The following LRPPRC variants were observed in gnomAD, a reference collection of about 807,000 sequenced individuals.
LRPPRC encodes leucine rich pentatricopeptide repeat containing.
LRPPRC carries 120 observed loss-of-function variants against 180.3 expected under a neutral mutation model. The ratio of observed to expected loss-of-function variants is 0.67; its 90% CI spans 0.57 to 0.77. LRPPRC has a LOEUF of 0.77. Among genes scored for constraint, LRPPRC ranks in the 30% least tolerant of loss-of-function variants. LRPPRC has a pLI of 0.00. For missense variants in LRPPRC, 2,012 were observed against 1,657.2 expected (o/e 1.21, Z -3.72); for synonymous variants, 723 against 600.0 (o/e 1.21, Z -3.00).
chr2:43,941,835 T>A, intron 23 of LRPPRC, among the ~76,000 whole-genome samples: 4 of 84,788 alleles, frequency 4.7e-5, no homozygotes, highest in African/African-American at 1.0e-4. Context: ...AGCAAAGTAG[T>A]CTAAAAAAAA....
intron 14 of LRPPRC, among the ~76,000 whole-genome samples, chr2:43,952,673 T>C (rs1440165308): frequency 6.6e-6 from 1 of 152,212 alleles, no homozygotes; most frequent in Non-Finnish European, 1.5e-5. Context: ...AAGTGCATTA[T>C]ATTTTTTATC....
At chr2:43,920,360 C>T (rs3892364) in intron 27 of LRPPRC, among the ~76,000 whole-genome samples, 94,890 of 151,958 alleles carry the variant, frequency 0.62, 31,485 homozygotes, top group East Asian at 0.96. Context: ...GGTCTTGAAC[C>T]CCTGACCTCA....
intron 25 of LRPPRC, among the ~76,000 whole-genome samples, chr2:43,929,013 G>A (rs747418041): frequency 4.4e-4 from 67 of 152,094 alleles, no homozygotes; most frequent in African/African-American, 1.3e-3. Context: ...AATAAAGTAA[G>A]CTACAACAAG....
chr2:43,977,106 GA>G (rs752348202), intron 4 of LRPPRC, 48 bp downstream of exon 4: 31 of 1,606,892 alleles, frequency 1.9e-5, no homozygotes, highest in Admixed American at 1.2e-4. Context: ...TCTGAGTAAA[GA>G]AAAAAAATGG....
At chr2:43,935,887 C>CG (rs1553400962) in intron 23 of LRPPRC, among the ~76,000 whole-genome samples, 2 of 151,970 alleles carry the variant, frequency 1.3e-5, no homozygotes, top group Non-Finnish European at 2.9e-5. Flanking sequence ...CCAAGGAGGG[C>CG]GGATCACCTG....
intron 23 of LRPPRC, among the ~76,000 whole-genome samples, chr2:43,940,890 A>T (rs922766727): frequency 6.6e-6 from 1 of 152,174 alleles, no homozygotes; most frequent in African/African-American, 2.4e-5. Flanking sequence ...AATAAGATAA[A>T]ATACTTACAA....
At chr2:43,930,420 C>T (rs576962652) in intron 25 of LRPPRC, among the ~76,000 whole-genome samples, 8 of 152,276 alleles carry the variant, frequency 5.3e-5, no homozygotes, top group Admixed American at 2.6e-4. Flanking sequence ...TTATCCAAAA[C>T]GCTTGGGACC....
chr2:43,900,165 TACTC>T (rs1472556399), intron 32 of LRPPRC, among the ~76,000 whole-genome samples: 1 of 152,266 alleles, frequency 6.6e-6, no homozygotes, highest in African/African-American at 2.4e-5. Context: ...ATTTGGAAAA[TACTC>T]AGTTTATACT....
At chr2:43,964,573 G>C (rs1319651017) in intron 11 of LRPPRC, among the ~76,000 whole-genome samples, 8 of 151,982 alleles carry the variant, frequency 5.3e-5, no homozygotes, top group Admixed American at 1.3e-4. Flanking sequence ...TTTCGAATTT[G>C]TTACATGATG....
Position 43,888,128 on chromosome 2 carries a change from A to G in LRPPRC, c.*472T>C, listed in dbSNP as rs1670336864. The G allele has an allele frequency of 1.1e-5, 2 of 183,288 alleles. No homozygotes were observed. The highest frequency in any genetic ancestry group is 4.8e-5 in the African/African-American group (2 of 41,750). The allele number at this position is 183,288 out of a possible 1,614,324, so 11.4% of individuals were successfully genotyped here. A position where few individuals can be genotyped will look rare whatever the true frequency, so the allele number is the denominator to read the frequency against. On this transcript the variant is annotated 3_prime_UTR_variant, in exon 38 of 38. Transcript: ENST00000260665. ...CCTAGATCTGATGACTCCTAGTGCC[A>G]ACATTTAACAAAGTTCGAAAGTTAT...
intron 11 of LRPPRC, among the ~76,000 whole-genome samples, chr2:43,971,873 T>C (rs909510116): frequency 1.3e-5 from 2 of 152,206 alleles, no homozygotes; most frequent in South Asian, 2.1e-4. Context: ...AAGAAGAATA[T>C]ATTGTTTTTA....
intron 14 of LRPPRC, among the ~76,000 whole-genome samples, chr2:43,955,753 T>C (rs1673087890): frequency 6.6e-6 from 1 of 151,988 alleles, no homozygotes. Flanking sequence ...AAGAAACTCA[T>C]TCTTGTGTGA....
chr2:43,916,953 A>G (rs1182566571), intron 29 of LRPPRC, among the ~76,000 whole-genome samples: 1 of 148,390 alleles, frequency 6.7e-6, no homozygotes, highest in South Asian at 2.1e-4. Context: ...CCGGGGGGAA[A>G]AAAAAAAAAA....
chr2:43,978,676 T>C (rs1002524617), intron 3 of LRPPRC, among the ~76,000 whole-genome samples: 2 of 151,498 alleles, frequency 1.3e-5, no homozygotes, highest in African/African-American at 4.8e-5. Context: ...GTTTTTAACT[T>C]AAAAAAAAAT....
intron 1 of LRPPRC, 65 bp downstream of exon 1, chr2:43,995,734 G>T: frequency 7.5e-7 from 1 of 1,328,918 alleles, no homozygotes; most frequent in Non-Finnish European, 9.6e-7. Flanking sequence ...GGTCCCTGCC[G>T]GCACCCACGA....
At position 43,963,630 on chromosome 2, in the gene LRPPRC, A is replaced by C. The variant is rs771451408; in HGVS notation, c.1446T>G (p.Ile482Met). The stretch of plus-strand genomic sequence containing the variant: ...CTGAGTTTACACTATCAAAGCATGG[A>C]ATCACATAATCTGTATATGTTTCCT... ...PDQETYTDYV[I>M]PCFDSVNSAR... The change falls in exon 12 of 38, where the codon ATT becomes ATG. Residue 482 changes from isoleucine (I) to methionine (M), a missense_variant. Coordinates refer to ENST00000260665, the MANE Select transcript of LRPPRC (RefSeq NM_133259.4). 1 of 1,612,600 alleles carries C rather than the reference A, an allele frequency of 6.2e-7. No homozygotes were observed. Among genetic ancestry groups the C allele is most frequent in the South Asian group, 1.1e-5 (1 of 91,032 alleles).
Position 43,953,702 on chromosome 2 carries a change from G to A in LRPPRC, c.1650-3102C>T, listed in dbSNP as rs1246227215. Among the ~76,000 whole-genome samples the A allele has an allele frequency of 5.3e-5, 8 of 152,224 alleles. 1 individual carries two copies. The South Asian group carries it at 6.2e-4, about 12-fold the overall frequency. On this transcript the variant is annotated intron_variant, in intron 14 of 37. Coordinates refer to ENST00000260665, the MANE Select transcript of LRPPRC (RefSeq NM_133259.4). ...TTTAAAGATAAGGTAATCCATTTTC[G>A]AATATTTTCAATGTTATCTATTCAA...
chr2:43,898,142 G>A (rs375703447), intron 34 of LRPPRC, among the ~76,000 whole-genome samples: 109 of 149,892 alleles, frequency 7.3e-4, no homozygotes, highest in African/African-American at 2.6e-3. Flanking sequence ...CCAGTGAACC[G>A]GAATTTCCCT....
intron 31 of LRPPRC, chr2:43,903,148 C>T (rs1558908672): frequency 6.6e-6 from 1 of 152,176 alleles, no homozygotes; most frequent in Non-Finnish European, 1.5e-5. Flanking sequence ...AGCACAGGAC[C>T]TTGTGACCTA....
Sources: gnomAD v4.1 joint callset for allele counts (sites outside exome capture counted in the v4.1 genomes callset) on GRCh38, gnomAD v4.1.1 for gene constraint, MANE v1.5 for transcripts, NCBI Gene and HGNC (gene_info 2026-07-23, HGNC 2026-07-21) for gene names.